SV2C: variants seen among roughly 807,000 people sequenced by gnomAD.
The protein encoded by SV2C is solute carrier family 22 member B3.
In SV2C, 49 loss-of-function variants were observed where a neutral mutation model predicts 79.7. The ratio of observed to expected loss-of-function variants is 0.61; its 90% CI spans 0.49 to 0.78. The LOEUF is 0.78. Among genes scored for constraint, SV2C ranks in the 30% least tolerant of loss-of-function variants. The pLI is 0.00. For missense variants in SV2C, 833 were observed against 912.9 expected (o/e 0.91, Z 1.13); for synonymous variants, 334 against 333.2 (o/e 1.00, Z -0.03).
chr5:76,352,144 C>T (rs1445845192), intron 12 of SV2C, among the ~76,000 whole-genome samples: 2 of 152,026 alleles, frequency 1.3e-5, no homozygotes, highest in Admixed American at 6.6e-5. Context: ...ACCCAGGAGG[C>T]GGAGGTTGCA....
the SV2C span, among the ~76,000 whole-genome samples, chr5:76,074,724 T>C: frequency 1.3e-5 from 2 of 152,224 alleles, no homozygotes. Context: ...CCGAGTTTCT[T>C]TCTCTGACCC....
rs745892883 is a variant in SV2C, at chr5:76,291,295, GA to G, written c.1213del (p.Arg405GlyfsTer15). The G allele has an allele frequency of 6.2e-7, 1 of 1,613,038 alleles. No homozygotes were observed. Among genetic ancestry groups the G allele is most frequent in the Non-Finnish European group, 8.5e-7 (1 of 1,179,690 alleles). ...AGAGTGACACAGGAACATGGTATAG[GA>G]GGTGTTTTGTTCGGATCCGCACCGA... ...IESDTGTWYR[R>X]CFVRIRTELY... On this transcript the variant is annotated frameshift_variant, in exon 7 of 13. Transcript: ENST00000502798. LOFTEE classifies it high-confidence loss of function.
chr5:75,967,371 G>A, the SV2C span, among the ~76,000 whole-genome samples: 1 of 152,176 alleles, frequency 6.6e-6, no homozygotes, highest in Non-Finnish European at 1.5e-5. Flanking sequence ...AGCAGGGCAA[G>A]GCATCACCTC....
chr5:76,043,204 G>A, the SV2C span, among the ~76,000 whole-genome samples: 2 of 152,190 alleles, frequency 1.3e-5, no homozygotes, highest in African/African-American at 4.8e-5. Context: ...ATCTGTGGCA[G>A]CCAGCCTCCA....
At position 76,194,919 on chromosome 5, in the gene SV2C, G is replaced by A. The variant is rs1474146254; in HGVS notation, c.581G>A (p.Gly194Asp). The change falls in exon 3 of 13, where the codon GGC becomes GAC. Residue 194 changes from glycine (G) to aspartate (D), a missense_variant and splice_region_variant. Physicochemically the swap from Gly to Asp is moderately conservative, Grantham distance 94. Transcript: ENST00000502798. ...CIPNSGSGWL[G>D]SIVYLGMMVG... ...TTTCTTTGTTTTCTGTGTGTTGCAG[G>A]CAGCATAGTGTACCTCGGGATGATG... The A allele has an allele frequency of 1.4e-5, 22 of 1,613,578 alleles. No homozygotes were observed. Among genetic ancestry groups the A allele is most frequent in the Non-Finnish European group, 1.9e-5 (22 of 1,179,824 alleles).
the SV2C span, among the ~76,000 whole-genome samples, chr5:75,971,367 A>G: frequency 6.6e-6 from 1 of 152,206 alleles, no homozygotes; most frequent in East Asian, 1.9e-4. Context: ...TTCAATTAGG[A>G]AAAGAGGAAG....
chr5:75,927,496 G>A, the SV2C span, among the ~76,000 whole-genome samples: 1 of 151,906 alleles, frequency 6.6e-6, no homozygotes, highest in Non-Finnish European at 1.5e-5. Context: ...GGGATGGGGG[G>A]AGGGGGAAAT....
chr5:75,995,324 T>A, the SV2C span, among the ~76,000 whole-genome samples: 2 of 152,242 alleles, frequency 1.3e-5, no homozygotes, highest in African/African-American at 4.8e-5. Flanking sequence ...CTTGCATGTA[T>A]GAGAAGTTTC....
At chr5:76,149,967 G>A (rs1261886886) in intron 2 of SV2C, among the ~76,000 whole-genome samples, 1 of 152,186 alleles carries the variant, frequency 6.6e-6, no homozygotes, top group Non-Finnish European at 1.5e-5. Flanking sequence ...TGGTTTTATT[G>A]AGAGTAGCTT....
At chr5:75,966,807 C>T in the SV2C span, among the ~76,000 whole-genome samples, 3 of 152,268 alleles carry the variant, frequency 2.0e-5, no homozygotes, top group South Asian at 6.2e-4. Flanking sequence ...CAAGAACCCT[C>T]CTGGACTAAG....
At chr5:76,310,685 TAAGA>T (rs1748407528) in intron 12 of SV2C, among the ~76,000 whole-genome samples, 1 of 152,058 alleles carries the variant, frequency 6.6e-6, no homozygotes, top group African/African-American at 2.4e-5. Context: ...AAAATATGTC[TAAGA>T]GAGAGACCTG....
the SV2C span, chr5:75,920,789 G>T: frequency 1.3e-6 from 1 of 778,608 alleles, no homozygotes; most frequent in Non-Finnish European, 2.4e-6. Context: ...GCTTGATGAT[G>T]CACTTCAGGG....
At chr5:76,310,883 T>C (rs4703705) in intron 12 of SV2C, among the ~76,000 whole-genome samples, 45,892 of 152,026 alleles carry the variant, frequency 0.3, 7,275 homozygotes, top group East Asian at 0.43. Context: ...AAGAGTTCAG[T>C]GAGCTAGAAA....
At chr5:75,881,809 C>T in the SV2C span, among the ~76,000 whole-genome samples, 33 of 149,652 alleles carry the variant, frequency 2.2e-4, no homozygotes, top group Middle Eastern at 6.9e-3. Flanking sequence ...TGCCTAATTG[C>T]CCTGGCCAGA....
intron 3 of SV2C, among the ~76,000 whole-genome samples, chr5:76,205,747 C>T (rs1330410868): frequency 6.6e-6 from 1 of 151,264 alleles, no homozygotes; most frequent in African/African-American, 2.5e-5. Flanking sequence ...ATTATATTTT[C>T]CACATTAGCC....
At chr5:76,159,825 A>G (rs1895390) in intron 2 of SV2C, among the ~76,000 whole-genome samples, 100,317 of 151,848 alleles carry the variant, frequency 0.66, 34,096 homozygotes, top group East Asian at 0.97. Context: ...GTGGGAGTTA[A>G]TACTCCAACA....
chr5:76,295,956 A>G lies in SV2C; in HGVS notation c.1502+14A>G, dbSNP rs1747744587. ...CGACAATGGCAGGTCTAGAAACTTG[A>G]AATAATTTAATTTGCTACCTATTCA... On this transcript the variant is annotated intron_variant, in intron 9 of 12. Coordinates refer to ENST00000502798, the MANE Select transcript of SV2C (RefSeq NM_014979.4). 3 of 1,552,626 alleles carry G rather than the reference A, an allele frequency of 1.9e-6. No individual in the cohort carries two copies. The highest frequency in any genetic ancestry group is 1.2e-5 in the South Asian group (1 of 81,700).
At chr5:75,954,773 A>G in the SV2C span, among the ~76,000 whole-genome samples, 1 of 149,172 alleles carries the variant, frequency 6.7e-6, no homozygotes, top group East Asian at 1.9e-4. Context: ...GAGCCAAATC[A>G]TGAGTGAACT....
intron 12 of SV2C, among the ~76,000 whole-genome samples, chr5:76,305,560 T>C (rs552213891): frequency 7.2e-5 from 11 of 152,224 alleles, no homozygotes; most frequent in Non-Finnish European, 1.5e-4. Flanking sequence ...GTTTCACTCT[T>C]CCTTATCTTG....
Sources: allele counts gnomAD v4.1 joint callset (sites outside exome capture counted in the v4.1 genomes callset), GRCh38; gene constraint gnomAD v4.1.1; transcripts MANE v1.5; gene names NCBI Gene and HGNC (gene_info 2026-07-23, HGNC 2026-07-21).